TRIM24: variants seen among roughly 807,000 people sequenced by gnomAD.
TRIM24 encodes the protein transcription intermediary factor 1-alpha.
TRIM24 carries 29 observed loss-of-function variants against 123.9 expected under a neutral mutation model. The ratio of observed to expected loss-of-function variants is 0.23; its 90% CI spans 0.17 to 0.32. The LOEUF (loss-of-function observed/expected upper bound fraction) is 0.32. Among genes scored for constraint, TRIM24 ranks in the 10% least tolerant of loss-of-function variants. TRIM24 has a pLI of 1.00. For missense variants in TRIM24, 932 were observed against 1,295.3 expected (o/e 0.72, Z 4.31); for synonymous variants, 456 against 461.1 (o/e 0.99, Z 0.14).
intron 7 of TRIM24, among the ~76,000 whole-genome samples, chr7:138,550,144 TCAG>T (rs148704947): frequency 0.018 from 2,753 of 152,290 alleles, 65 homozygotes; most frequent in African/African-American, 0.061. Context: ...TGTTAGCCAG[TCAG>T]CAGCCTTAAT....
intron 1 of TRIM24, among the ~76,000 whole-genome samples, chr7:138,496,992 A>AT (rs1178977859): frequency 6.6e-6 from 1 of 151,914 alleles, no homozygotes; most frequent in Admixed American, 6.6e-5. Context: ...TCTGTTAATG[A>AT]TTTTTTGTTA....
intron 1 of TRIM24, among the ~76,000 whole-genome samples, chr7:138,502,180 T>C (rs919645101): frequency 6.6e-6 from 1 of 152,188 alleles, no homozygotes; most frequent in Non-Finnish European, 1.5e-5. Context: ...ATCTACCTGA[T>C]TCAGAAAGAG....
intron 1 of TRIM24, among the ~76,000 whole-genome samples, chr7:138,479,396 A>G (rs568381499): frequency 1.9e-4 from 28 of 150,256 alleles, no homozygotes; most frequent in Admixed American, 3.3e-4. Context: ...TCTTTTTGAC[A>G]GGGTCTTGCT....
rs866316334 is a variant in TRIM24, at chr7:138,535,062, T to G, written c.997-3595T>G. Among the ~76,000 whole-genome samples the G allele has an allele frequency of 3.3e-5, 5 of 152,322 alleles. No homozygotes were observed. In the South Asian group the frequency reaches 8.3e-4, roughly 25 times the overall value. On this transcript the variant is annotated intron_variant, in intron 6 of 18. Transcript: ENST00000343526. Reference sequence around the variant, plus strand: ...CCCCTGCCTTTTTTTGTTTTCCATTTGCTTGGTAGATCTTCCTCCATCCCT... The same window carrying G: ...CCCCTGCCTTTTTTTGTTTTCCATTGGCTTGGTAGATCTTCCTCCATCCCT...
chr7:138,506,236 G>A (rs918100195), intron 2 of TRIM24, among the ~76,000 whole-genome samples: 1 of 152,152 alleles, frequency 6.6e-6, no homozygotes, highest in South Asian at 2.1e-4. Context: ...AAACAGACAC[G>A]CTTGCTGTGG....
In TRIM24 at chr7:138,468,100, A is replaced by C. The variant is rs1389259102; in HGVS notation, c.364+7188A>C. ...CCTTATTCCTCATCTTAGGAGGAAA[A>C]CACTCAATTTTTCACCATTAATATG... On this transcript the variant is annotated intron_variant, in intron 1 of 18. Coordinates refer to ENST00000343526, the MANE Select transcript of TRIM24 (RefSeq NM_015905.3). Among the ~76,000 whole-genome samples the C allele has an allele frequency of 2.0e-5, 3 of 152,216 alleles. 1 individual carries two copies. Among genetic ancestry groups the C allele is most frequent in the Admixed American group, 2.0e-4 (3 of 15,280 alleles).
At chr7:138,508,692 T>TGCGCGCGCGCGCGCGC (rs60180839) in intron 2 of TRIM24, among the ~76,000 whole-genome samples, 4 of 137,214 alleles carry the variant, frequency 2.9e-5, no homozygotes, top group Non-Finnish European at 4.7e-5. Context: ...TGTGTGTGTG[T>TGCGCGCGCGCGCGCGC]GCGCGCGCGT....
intron 1 of TRIM24, among the ~76,000 whole-genome samples, chr7:138,500,551 G>A (rs1228025944): frequency 1.4e-5 from 2 of 140,306 alleles, no homozygotes; most frequent in African/African-American, 5.4e-5. Flanking sequence ...CAACCAGAGT[G>A]AGACCTTGTT....
intron 10 of TRIM24, among the ~76,000 whole-genome samples, chr7:138,569,185 A>T (rs1797601901): frequency 6.6e-6 from 1 of 152,304 alleles, no homozygotes; most frequent in Non-Finnish European, 1.5e-5. Flanking sequence ...TTGAGAGTTT[A>T]TTCTAATGTA....
At chr7:138,584,717 A>C in intron 18 of TRIM24, 25 bp from the exon 19 acceptor site, 1 of 1,550,764 alleles carries the variant, frequency 6.4e-7, no homozygotes, top group Non-Finnish European at 8.7e-7. Flanking sequence ...TCCTTTTTTT[A>C]CTCATTTTTA....
intron 9 of TRIM24, among the ~76,000 whole-genome samples, chr7:138,567,238 C>T (rs902461775): frequency 6.6e-5 from 10 of 152,162 alleles, no homozygotes; most frequent in Admixed American, 1.3e-4. Flanking sequence ...AATCTACTTA[C>T]AAAATCTAGG....
At chr7:138,464,218 G>A (rs1395953280) in intron 1 of TRIM24, among the ~76,000 whole-genome samples, 2 of 151,366 alleles carry the variant, frequency 1.3e-5, no homozygotes, top group Non-Finnish European at 2.9e-5. Flanking sequence ...GGATGGTCTC[G>A]ATCTCCTGAC....
Position 138,567,700 on chromosome 7 carries a change from T to A in TRIM24, c.1704+46T>A, listed in dbSNP as rs6969145. Reference sequence around the variant, plus strand: ...CTCAATTGCTTTTTCTGCTGCTTTCTACTTTCAAATCACAAAGAATTTACA... The same window carrying A: ...CTCAATTGCTTTTTCTGCTGCTTTCAACTTTCAAATCACAAAGAATTTACA... On this transcript the variant is annotated intron_variant, in intron 10 of 18. Coordinates refer to ENST00000343526, the MANE Select transcript of TRIM24 (RefSeq NM_015905.3). 4.5e-4 allele frequency: 674 copies of A among 1,504,458 alleles called. 3 individuals are homozygous for A. The African/African-American group carries it at 8.5e-3, about 19-fold the overall frequency. The allele number at this position is 1,504,458 out of a possible 1,614,324, so 93.2% of individuals were successfully genotyped here. A position where few individuals can be genotyped will look rare whatever the true frequency, so the allele number is the denominator to read the frequency against.
chr7:138,499,192 A>T (rs180897507), intron 1 of TRIM24, among the ~76,000 whole-genome samples: 3 of 152,060 alleles, frequency 2.0e-5, no homozygotes, highest in African/African-American at 7.2e-5. Flanking sequence ...TAACCCCTTT[A>T]TCATGTTCTC....
At chr7:138,461,545 G>A (rs1794972238) in intron 1 of TRIM24, among the ~76,000 whole-genome samples, 1 of 152,168 alleles carries the variant, frequency 6.6e-6, no homozygotes, top group Admixed American at 6.5e-5. Flanking sequence ...TCTTTCAAAG[G>A]TTTTATTTTG....
At chr7:138,482,041 T>G (rs1390884384) in intron 1 of TRIM24, among the ~76,000 whole-genome samples, 2 of 152,206 alleles carry the variant, frequency 1.3e-5, no homozygotes, top group Non-Finnish European at 2.9e-5. Context: ...TGTTTCTTCC[T>G]TAGCGTCTGA....
At chr7:138,518,860 AG>A (rs1796451637) in intron 3 of TRIM24, among the ~76,000 whole-genome samples, 1 of 152,234 alleles carries the variant, frequency 6.6e-6, no homozygotes, top group Non-Finnish European at 1.5e-5. Flanking sequence ...GAAGACATCC[AG>A]GTGGTTCATA....
chr7:138,574,373 C>T, intron 12 of TRIM24, among the ~76,000 whole-genome samples: 1 of 152,170 alleles, frequency 6.6e-6, no homozygotes, highest in African/African-American at 2.4e-5. Context: ...GAATTTAAGT[C>T]ACTCAACAGT....
chr7:138,575,595 A>G (rs1346471725), intron 12 of TRIM24, among the ~76,000 whole-genome samples: 1 of 152,000 alleles, frequency 6.6e-6, no homozygotes, highest in Non-Finnish European at 1.5e-5. Flanking sequence ...TTGTTCATCA[A>G]ACCTTTTAGA....
Sources: allele counts gnomAD v4.1 joint callset (sites outside exome capture counted in the v4.1 genomes callset), GRCh38; gene constraint gnomAD v4.1.1; transcripts MANE v1.5; gene names NCBI Gene and HGNC (gene_info 2026-07-23, HGNC 2026-07-21).